Variants in KLHL34 observed in about 807,000 individuals in gnomAD.
KLHL34 encodes the protein kelch-like protein 34.
A neutral mutation model predicts 23.8 loss-of-function variants in KLHL34; 24 were observed. The ratio of observed to expected loss-of-function variants is 1.01; its 90% CI spans 0.73 to 1.42. The LOEUF (loss-of-function observed/expected upper bound fraction) is 1.42. KLHL34 is among the 40% of genes most tolerant of loss of function. The probability of loss-of-function intolerance (pLI) is 0.00; values close to 1 mark genes in which losing one functional copy is unlikely to be tolerated. For synonymous variants in KLHL34, 303 were observed against 287.9 expected (o/e 1.05, Z -0.53); for missense variants, 652 against 595.1 (o/e 1.10, Z -0.99).
chrX:21,657,539 G>C lies in KLHL34; in HGVS notation c.250C>G (p.Leu84Val). 1 of 1,210,542 alleles carries C rather than the reference G, an allele frequency of 8.3e-7. No individual in the cohort carries two copies. Among genetic ancestry groups the C allele is most frequent in the Non-Finnish European group, 1.1e-6 (1 of 895,103 alleles). The change falls in exon 1 of 1, where the codon CTG becomes GTG. Residue 84 changes from leucine (L) to valine (V), a missense_variant. Physicochemically the swap from Leu to Val is conservative, Grantham distance 32. Transcript: ENST00000379499. ...VPSAAGLQRL[L>V]DFIYTAWLSL... is the part of the protein sequence containing the mutation. ...AGCCAGGCAGTGTAGATGAAGTCCA[G>C]CAGGCGCTGCAGGCCGGCTGCCGAT...
rs1174306467 is a variant in KLHL34, at chrX:21,656,407, C to T, written c.1382G>A (p.Arg461Gln). 1 of 1,192,131 alleles carries T rather than the reference C, an allele frequency of 8.4e-7. No homozygotes were observed. The highest frequency in any genetic ancestry group is 1.8e-5 in the African/African-American group (1 of 56,520). The change falls in exon 1 of 1, where the codon CGG becomes CAG. Residue 461 changes from arginine to glutamine, a missense_variant. By Grantham distance (43) the Arg-to-Gln change is conservative. Coordinates refer to ENST00000379499, the MANE Select transcript of KLHL34 (RefSeq NM_153270.3). ...GGCCCCCGCGTGACCGTGCAGAGCC[C>T]GCGGTAGTGCCCCAGCCGCCGTCCA... Reference protein sequence around the residue: ...DRWTAAGALPRALHGHAGAVG... With the variant: ...DRWTAAGALPQALHGHAGAVG...
rs1267063074 is a variant in KLHL34 at position 21,657,352 on chromosome X, G to A, written c.437C>T (p.Thr146Met). The change falls in exon 1 of 1, where the codon ACG becomes ATG. Residue 146 changes from threonine (T) to methionine (M), a missense_variant. Thr to Met is a moderately conservative substitution (Grantham distance 81, BLOSUM62 -1). Coordinates refer to ENST00000379499, the MANE Select transcript of KLHL34 (RefSeq NM_153270.3). ...GATGCAGCGCTCGGCCGCGTCCAGC[G>A]TGTGAGCCAGGCCAAAGCGCGCTGC... is the stretch of plus-strand genomic sequence containing the variant. ...NVAARFGLAHTLDAAERCIVS... is the reference protein window; with the variant it reads ...NVAARFGLAHMLDAAERCIVS... The A allele has an allele frequency of 3.4e-6, 4 of 1,161,413 alleles. No individual in the cohort carries two copies. Among genetic ancestry groups the A allele is most frequent in the Non-Finnish European group, 4.6e-6 (4 of 870,908 alleles).
rs2092732212 is a variant in KLHL34, at chrX:21,656,246, C to A, written c.1543G>T (p.Ala515Ser). The change falls in exon 1 of 1, where the codon GCA (alanine) becomes TCA (serine). Residue 515 changes from alanine (A) to serine (S), a missense_variant. Transcript: ENST00000379499. Reference sequence around the variant, plus strand: ...ACTGCCATGTGGTGCCCGAAACGTGCGGTGCCCATGGGTGCCTTCTTGCTC... The same window carrying A: ...ACTGCCATGTGGTGCCCGAAACGTGAGGTGCCCATGGGTGCCTTCTTGCTC... ...VWSKKAPMGT[A>S]RFGHHMAVLR... The A allele has an allele frequency of 8.3e-7, 1 of 1,199,989 alleles. No homozygotes were observed. Among genetic ancestry groups the A allele is most frequent in the African/African-American group, 1.7e-5 (1 of 57,619 alleles).
rs986476072 is a variant in KLHL34 at position 21,655,284 on chromosome X, A to G, written c.*570T>C. 17 of 110,363 alleles carry G rather than the reference A, an allele frequency of 1.5e-4. No individual in the cohort carries two copies. Among genetic ancestry groups the G allele is most frequent in the African/African-American group, 5.3e-4 (16 of 30,256 alleles). 9.1% of individuals were successfully genotyped at this position (110,363 alleles called of 1,213,427 possible). ...ATTTATATCAAACCATCAGAGCAGA[A>G]CTGTAACCATGGCTCCGGATCATAA... On this transcript the variant is annotated 3_prime_UTR_variant, in exon 1 of 1. Coordinates refer to ENST00000379499, the MANE Select transcript of KLHL34 (RefSeq NM_153270.3).
At position 21,657,549 on chromosome X, in the gene KLHL34, C is replaced by T; in HGVS notation, c.240G>A (p.Leu80=). Residue 80 remains leucine (L), a synonymous_variant, in exon 1 of 1, where the codon CTG becomes CTA. Transcript: ENST00000379499. ...TGTAGATGAAGTCCAGCAGGCGCTGCAGGCCGGCTGCCGATGGCACGTGCA... is the reference window on the plus strand; with the variant it reads ...TGTAGATGAAGTCCAGCAGGCGCTGTAGGCCGGCTGCCGATGGCACGTGCA... ...IHLHVPSAAG[L]QRLLDFIYTA... 8.3e-7 allele frequency: 1 copy of T among 1,210,215 alleles called. No homozygotes were observed. The highest frequency in any genetic ancestry group is 1.1e-6 in the Non-Finnish European group (1 of 894,955).
rs748369069 is a variant in KLHL34 at position 21,655,661 on chromosome X, C to T, written c.*193G>A. ...ATTCATATAGCCTTCTATTTGACCC[C>T]CCGCCCCGCTGTCTCCCATTCTCAG... On this transcript the variant is annotated 3_prime_UTR_variant, in exon 1 of 1. Transcript: ENST00000379499. 9 of 748,448 alleles carry T rather than the reference C, an allele frequency of 1.2e-5. No individual in the cohort carries two copies. The African/African-American group carries it at 1.3e-4, about 11-fold the overall frequency. 61.7% of individuals were successfully genotyped at this position (748,448 alleles called of 1,213,427 possible).
In KLHL34 at chrX:21,657,023, G is replaced by A; in HGVS notation, c.766C>T (p.Leu256Phe). 1.7e-6 allele frequency: 2 copies of A among 1,170,271 alleles called. No homozygotes were observed. Among genetic ancestry groups the A allele is most frequent in the Non-Finnish European group, 2.3e-6 (2 of 873,621 alleles). Residue 256 changes from leucine to phenylalanine, a missense_variant, in exon 1 of 1, where the codon CTC becomes TTC. By Grantham distance (22) the Leu-to-Phe change is conservative. Transcript: ENST00000379499. The part of the protein sequence containing the change: ...ARVKGLIIQA[L>F]NYHTTPSRQP... The stretch of plus-strand genomic sequence containing the variant: ...CGGGAGGGCGTCGTGTGGTAGTTGA[G>A]GGCCTGGATGATGAGGCCCTTGACC...
chrX:21,656,657 C>A lies in KLHL34; in HGVS notation c.1132G>T (p.Gly378Cys). ...LFVLGGESPS[G>C]SASSPLADDS... ...TCGGCCAGGGGAGAGGATGCACTGC[C>A]GGAAGGGCTCTCCCCACCCAGGACA... The change falls in exon 1 of 1, where the codon GGC (glycine) becomes TGC (cysteine). Residue 378 changes from glycine (G) to cysteine (C), a missense_variant. By Grantham distance (159) the Gly-to-Cys change is radical. Coordinates refer to ENST00000379499, the MANE Select transcript of KLHL34 (RefSeq NM_153270.3). 2.5e-6 allele frequency: 3 copies of A among 1,210,931 alleles called. No individual in the cohort carries two copies. Among genetic ancestry groups the A allele is most frequent in the Non-Finnish European group, 3.4e-6 (3 of 895,335 alleles).
chrX:21,657,417 G>T lies in KLHL34; in HGVS notation c.372C>A (p.Arg124=). The T allele has an allele frequency of 2.5e-6, 3 of 1,187,652 alleles. No individual in the cohort carries two copies. Among genetic ancestry groups the T allele is most frequent in the Non-Finnish European group, 3.4e-6 (3 of 883,675 alleles). ...AGCAGCAGTTCTCTGGAGCCAGCTG[G>T]CGCTCCAAGTAGCGCCCACAGAGCC... ...ALGLCGRYLE[R]QLAPENCCFA... Residue 124 remains arginine (R), a synonymous_variant, in exon 1 of 1, where the codon CGC becomes CGA. Coordinates refer to ENST00000379499, the MANE Select transcript of KLHL34 (RefSeq NM_153270.3).
Position 21,658,030 on chromosome X carries a change from G to A in KLHL34, c.-242C>T. 1 of 373,012 alleles carries A rather than the reference G, an allele frequency of 2.7e-6. No homozygotes were observed. Among genetic ancestry groups the A allele is most frequent in the Non-Finnish European group, 4.6e-6 (1 of 219,406 alleles). 30.7% of individuals were successfully genotyped at this position (373,012 alleles called of 1,213,427 possible). Reference sequence around the variant, plus strand: ...TTTCGGAGGCCCCTAGTAACGGAGGGCGCGGAATTTGGAGGCTTCCCGGGA... The same window carrying A: ...TTTCGGAGGCCCCTAGTAACGGAGGACGCGGAATTTGGAGGCTTCCCGGGA... On this transcript the variant is annotated 5_prime_UTR_variant, in exon 1 of 1. Transcript: ENST00000379499.
Position 21,657,403 on chromosome X carries a change from T to C in KLHL34, c.386A>G (p.Glu129Gly), listed in dbSNP as rs776401139. 8.5e-7 allele frequency: 1 copy of C among 1,181,179 alleles called. No individual in the cohort carries two copies. The highest frequency in any genetic ancestry group is 1.7e-5 in the African/African-American group (1 of 57,190). Residue 129 changes from glutamate (E) to glycine (G), a missense_variant, in exon 1 of 1, where the codon GAG becomes GGG. Transcript: ENST00000379499. ...CACGTTGGCGGCGAAGCAGCAGTTC[T>C]CTGGAGCCAGCTGGCGCTCCAAGTA... is the stretch of plus-strand genomic sequence containing the variant. ...GRYLERQLAP[E>G]NCCFAANVAA...
rs907385649 is a variant in KLHL34, at chrX:21,657,843, G to A, written c.-55C>T. ...GACCAGAGGCCTGCTGGGCAGGGCC[G>A]GAGGCATCCCGGGGCACAACACTCC... On this transcript the variant is annotated 5_prime_UTR_variant, in exon 1 of 1. Transcript: ENST00000379499. 4.4e-6 allele frequency: 5 copies of A among 1,144,844 alleles called. No homozygotes were observed. The highest frequency in any genetic ancestry group is 5.6e-5 in the Admixed American group (2 of 35,906). The allele number at this position is 1,144,844 out of a possible 1,213,427, so 94.3% of individuals were successfully genotyped here.
In KLHL34 at chrX:21,657,431, G is replaced by T. The variant is rs769819112; in HGVS notation, c.358C>A (p.Arg120Ser). 8.4e-6 allele frequency: 10 copies of T among 1,196,957 alleles called. No homozygotes were observed. The highest frequency in any genetic ancestry group is 1.0e-5 in the Non-Finnish European group (9 of 888,275). Reference protein sequence around the residue: ...QVTEALGLCGRYLERQLAPEN... With the variant: ...QVTEALGLCGSYLERQLAPEN... ...GGAGCCAGCTGGCGCTCCAAGTAGC[G>T]CCCACAGAGCCCCAGGGCCTCAGTG... Residue 120 changes from arginine to serine, a missense_variant, in exon 1 of 1, where the codon CGC (arginine) becomes AGC (serine). Physicochemically the swap from Arg to Ser is moderately radical, Grantham distance 110. Transcript: ENST00000379499.
In KLHL34 at chrX:21,657,278, G is replaced by C; in HGVS notation, c.511C>G (p.Leu171Val). 8.7e-7 allele frequency: 1 copy of C among 1,155,805 alleles called. No individual in the cohort carries two copies. Among genetic ancestry groups the C allele is most frequent in the Non-Finnish European group, 1.1e-6 (1 of 870,901 alleles). ...LLARGAGPAG[L>V]LELNPTSLRA... ...AGCGATGTAGGGTTGAGCTCCAGGA[G>C]TCCCGCGGGGCCCGCGCCCCGCGCC... Residue 171 changes from leucine to valine, a missense_variant, in exon 1 of 1, where the codon CTC becomes GTC. Physicochemically the swap from Leu to Val is conservative, Grantham distance 32. Coordinates refer to ENST00000379499, the MANE Select transcript of KLHL34 (RefSeq NM_153270.3).
rs748881185 is a variant in KLHL34, at chrX:21,656,396, C to T, written c.1393G>A (p.Gly465Ser). 4 of 1,196,024 alleles carry T rather than the reference C, an allele frequency of 3.3e-6. No individual in the cohort carries two copies. Among genetic ancestry groups the T allele is most frequent in the East Asian group, 3.0e-5 (1 of 33,204 alleles). The change falls in exon 1 of 1, where the codon GGT becomes AGT. Residue 465 changes from glycine (G) to serine (S), a missense_variant. Coordinates refer to ENST00000379499, the MANE Select transcript of KLHL34 (RefSeq NM_153270.3). ...AAGALPRALHGHAGAVGDRGV... is the reference protein window; with the variant it reads ...AAGALPRALHSHAGAVGDRGV... The stretch of plus-strand genomic sequence containing the variant: ...CGGTCCCCGACGGCCCCCGCGTGAC[C>T]GTGCAGAGCCCGCGGTAGTGCCCCA...
Position 21,657,702 on chromosome X carries a change from G to A in KLHL34, c.87C>T (p.Cys29=). 1 of 1,204,988 alleles carries A rather than the reference G, an allele frequency of 8.3e-7. No individual in the cohort carries two copies. Among genetic ancestry groups the A allele is most frequent in the Non-Finnish European group, 1.1e-6 (1 of 894,431 alleles). ...YQALRAEGFL[C]DVTLETEGSE... ...TGCCCTCGGTCTCCAGTGTCACGTC[G>A]CACAGGAAGCCCTCGGCGCGCAGGG... Residue 29 remains cysteine (C), a synonymous_variant, in exon 1 of 1, where the codon TGC becomes TGT. Coordinates refer to ENST00000379499, the MANE Select transcript of KLHL34 (RefSeq NM_153270.3).
rs771599605 is a variant in KLHL34, at chrX:21,655,926, C to A, written c.1863G>T (p.Leu621=). 16 of 1,209,039 alleles carry A rather than the reference C, an allele frequency of 1.3e-5. No homozygotes were observed. The Admixed American group carries it at 2.2e-4, about 16-fold the overall frequency. Residue 621 remains leucine (L), a synonymous_variant, in exon 1 of 1, where the codon CTG becomes CTT. Coordinates refer to ENST00000379499, the MANE Select transcript of KLHL34 (RefSeq NM_153270.3). ...WAWSGLRCAV[L]QLAEGGDDER... ...CGTCGTCCCCACCCTCGGCCAGCTG[C>A]AGCACTGCGCACCGCAGGCCGCTCC...
rs1185741991 is a variant in KLHL34, at chrX:21,657,914, C to A, written c.-126G>T. ...CAGAGCCCCTAGCAGGGGCCCATTT[C>A]TGCCTGCTCAGTTTAAAGCCCAGGG... is the stretch of plus-strand genomic sequence containing the variant. On this transcript the variant is annotated 5_prime_UTR_variant, in exon 1 of 1. Coordinates refer to ENST00000379499, the MANE Select transcript of KLHL34 (RefSeq NM_153270.3). 3.8e-6 allele frequency: 4 copies of A among 1,043,093 alleles called. No individual in the cohort carries two copies. Among genetic ancestry groups the A allele is most frequent in the African/African-American group, 1.9e-5 (1 of 53,535 alleles). The allele number at this position is 1,043,093 out of a possible 1,213,427, so 86.0% of individuals were successfully genotyped here.
rs965412998 is a variant in KLHL34, at chrX:21,657,300, C to A, written c.489G>T (p.Ala163=). The change falls in exon 1 of 1, where the codon GCG becomes GCT. Residue 163 remains alanine (A), a synonymous_variant. Coordinates refer to ENST00000379499, the MANE Select transcript of KLHL34 (RefSeq NM_153270.3). ...GGAGTCCCGCGGGGCCCGCGCCCCG[C>A]GCCAGCAGCTCCTGCAAGTGGCTCA... is the stretch of plus-strand genomic sequence containing the variant. ...CIVSHLQELL[A]RGAGPAGLLE... The A allele has an allele frequency of 3.5e-6, 4 of 1,153,594 alleles. No individual in the cohort carries two copies. The highest frequency in any genetic ancestry group is 5.4e-5 in the Admixed American group (2 of 37,082).
Sources: gnomAD v4.1 joint callset for allele counts on GRCh38, gnomAD v4.1.1 for gene constraint, MANE v1.5 for transcripts, NCBI Gene and HGNC (gene_info 2026-07-23, HGNC 2026-07-21) for gene names.